Variants in TAF3 observed in about 807,000 individuals in gnomAD.
TAF3 encodes TATA-box binding protein associated factor 3, also known as transcription initiation factor TFIID subunit 3.
Under a neutral mutation model 80.6 loss-of-function variants are expected in TAF3, and 7 were observed. The ratio of observed to expected loss-of-function variants is 0.09; its 90% CI spans 0.05 to 0.16. TAF3 has a LOEUF of 0.16. Among genes scored for constraint, TAF3 ranks in the 10% least tolerant of loss-of-function variants. The pLI, the probability that TAF3 is intolerant of heterozygous loss-of-function variation, is 1.00. For synonymous variants in TAF3, 444 were observed against 446.1 expected (o/e 1.00, Z 0.06); for missense variants, 921 against 1,140.2 (o/e 0.81, Z 2.77).
chr10:7,962,847 T>A (rs1210187056), intron 2 of TAF3, among the ~76,000 whole-genome samples: 73 of 152,238 alleles, frequency 4.8e-4, no homozygotes, highest in Non-Finnish European at 7.3e-5. Context: ...GTGATTTATT[T>A]CTGATTTATT....
intron 2 of TAF3, among the ~76,000 whole-genome samples, chr10:7,884,543 T>A (rs1837390933): frequency 6.6e-6 from 1 of 152,044 alleles, no homozygotes; most frequent in Non-Finnish European, 1.5e-5. Flanking sequence ...CCCGCCACCA[T>A]GCCTGGCTAA....
At chr10:7,915,891 T>C (rs976632913) in intron 2 of TAF3, among the ~76,000 whole-genome samples, 8 of 151,626 alleles carry the variant, frequency 5.3e-5, no homozygotes, top group African/African-American at 1.9e-4. Context: ...GGCAGGATAA[T>C]TGCTTGAATC....
Position 7,934,262 on chromosome 10 carries a change from A to C in TAF3, c.410-29658A>C, listed in dbSNP as rs562525427. Reference sequence around the variant, plus strand: ...TAAGTGTTCAGTTAGTCTAAAATAAAATCCCTAAGTGATAAAAATGCATTG... The same window carrying C: ...TAAGTGTTCAGTTAGTCTAAAATAACATCCCTAAGTGATAAAAATGCATTG... On this transcript the variant is annotated intron_variant, in intron 2 of 6. Coordinates refer to ENST00000344293, the MANE Select transcript of TAF3 (RefSeq NM_031923.4). 2.0e-5 allele frequency among the ~76,000 whole-genome samples: 3 copies of C among 152,316 alleles called. No individual in the cohort carries two copies. The East Asian group carries it at 5.8e-4, about 29-fold the overall frequency.
chr10:7,965,781 T>G, intron 3 of TAF3, 39 bp downstream of exon 3: 2 of 1,457,316 alleles, frequency 1.4e-6, no homozygotes, highest in Non-Finnish European at 1.8e-6. Flanking sequence ...CTGAACAGAG[T>G]CCTAGTGAGA....
chr10:8,012,727 G>T (rs1011839388), intron 5 of TAF3, among the ~76,000 whole-genome samples: 4 of 152,194 alleles, frequency 2.6e-5, no homozygotes, highest in African/African-American at 9.7e-5. Flanking sequence ...CCTTTGTAGA[G>T]TTGCCTTAAA....
chr10:7,879,620 A>G (rs1363437170), intron 2 of TAF3, among the ~76,000 whole-genome samples: 1 of 152,216 alleles, frequency 6.6e-6, no homozygotes, highest in Non-Finnish European at 1.5e-5. Context: ...AAGACAATTC[A>G]GACAGCATAG....
At chr10:7,826,072 G>T (rs1022961796) in intron 2 of TAF3, among the ~76,000 whole-genome samples, 6 of 152,080 alleles carry the variant, frequency 3.9e-5, no homozygotes, top group African/African-American at 1.4e-4. Context: ...GTTTAAATTT[G>T]GCATAAGTTG....
intron 2 of TAF3, among the ~76,000 whole-genome samples, chr10:7,873,726 C>T (rs1378538404): frequency 6.6e-6 from 1 of 150,750 alleles, no homozygotes; most frequent in Non-Finnish European, 1.5e-5. Context: ...GAAGAATCAG[C>T]CAAATAACAG....
At chr10:8,001,846 G>A (rs1831947698) in intron 4 of TAF3, among the ~76,000 whole-genome samples, 1 of 151,962 alleles carries the variant, frequency 6.6e-6, no homozygotes, top group South Asian at 2.1e-4. Context: ...CGTAATTATT[G>A]CATAGTAAAG....
intron 2 of TAF3, among the ~76,000 whole-genome samples, chr10:7,920,494 C>T (rs1475387558): frequency 6.6e-6 from 1 of 151,784 alleles, no homozygotes; most frequent in Admixed American, 6.6e-5. Flanking sequence ...CATTTCTGGC[C>T]ATCTTATTCC....
intron 2 of TAF3, among the ~76,000 whole-genome samples, chr10:7,907,039 G>C (rs943671327): frequency 6.6e-6 from 1 of 152,024 alleles, no homozygotes; most frequent in African/African-American, 2.4e-5. Flanking sequence ...ACTGTCATTG[G>C]GTGGACAGTG....
chr10:7,874,325 A>G (rs1045797281), intron 2 of TAF3, among the ~76,000 whole-genome samples: 2 of 152,232 alleles, frequency 1.3e-5, no homozygotes, highest in African/African-American at 4.8e-5. Context: ...AAGGACAGCT[A>G]GTAGACAGCA....
At chr10:8,006,526 G>T (rs1232318689) in intron 4 of TAF3, among the ~76,000 whole-genome samples, 1 of 152,218 alleles carries the variant, frequency 6.6e-6, no homozygotes, top group East Asian at 1.9e-4. Context: ...CATTTATGAA[G>T]TGTCTGCTGC....
chr10:7,990,392 T>G (rs1399045953), intron 4 of TAF3, among the ~76,000 whole-genome samples: 1 of 152,232 alleles, frequency 6.6e-6, no homozygotes, highest in African/African-American at 2.4e-5. Flanking sequence ...TTTGTCATTT[T>G]GTTTATTTAG....
At chr10:7,848,326 C>G (rs78749084) in intron 2 of TAF3, among the ~76,000 whole-genome samples, 1 of 152,294 alleles carries the variant, frequency 6.6e-6, no homozygotes, top group East Asian at 1.9e-4. Context: ...GGAAATCATT[C>G]TGGACCAATC....
At chr10:7,830,639 G>T (rs1836790075) in intron 2 of TAF3, among the ~76,000 whole-genome samples, 1 of 151,734 alleles carries the variant, frequency 6.6e-6, no homozygotes, top group Non-Finnish European at 1.5e-5. Context: ...GCATGCCACT[G>T]TGGCTGGCTA....
rs945237052 is a variant in TAF3 at position 7,979,096 on chromosome 10, G to A, written c.2315+1773G>A. ...GCGGTGGCTCACGCCTGTAATCCCA[G>A]CACTTTGGGAGGCCGAGGCAGGTGG... is the stretch of plus-strand genomic sequence containing the variant. On this transcript the variant is annotated intron_variant, in intron 4 of 6. Coordinates refer to ENST00000344293, the MANE Select transcript of TAF3 (RefSeq NM_031923.4). 3.3e-5 allele frequency among the ~76,000 whole-genome samples: 5 copies of A among 152,096 alleles called. No homozygotes were observed. The South Asian group carries it at 8.3e-4, about 25-fold the overall frequency.
intron 2 of TAF3, among the ~76,000 whole-genome samples, chr10:7,961,889 G>A (rs113876058): frequency 0.011 from 1,682 of 150,534 alleles, 20 homozygotes; most frequent in Middle Eastern, 0.031. Flanking sequence ...TCGCTCTGTC[G>A]CCCAGGCTGG....
At chr10:7,866,105 T>C (rs751414208) in intron 2 of TAF3, among the ~76,000 whole-genome samples, 2 of 152,226 alleles carry the variant, frequency 1.3e-5, no homozygotes, top group Non-Finnish European at 2.9e-5. Context: ...TTCTGGATCG[T>C]AAAGTAATTT....
Sources: gnomAD v4.1 joint callset for allele counts (sites outside exome capture counted in the v4.1 genomes callset) on GRCh38, gnomAD v4.1.1 for gene constraint, MANE v1.5 for transcripts, NCBI Gene and HGNC (gene_info 2026-07-23, HGNC 2026-07-21) for gene names.